The following KRT77 variants were observed in gnomAD, a reference collection of about 807,000 sequenced individuals.
The protein encoded by KRT77 is keratin 77.
A neutral mutation model predicts 51.5 loss-of-function variants in KRT77; 44 were observed. The ratio of observed to expected loss-of-function variants is 0.85; its 90% CI spans 0.67 to 1.10. KRT77 has a LOEUF of 1.10. KRT77 is among the 50% of genes least tolerant of loss of function. KRT77 has a pLI of 0.00. For synonymous variants in KRT77, 293 were observed against 302.0 expected (o/e 0.97, Z 0.31); for missense variants, 763 against 743.9 (o/e 1.03, Z -0.30).
intron 5 of KRT77, among the ~76,000 whole-genome samples, chr12:52,694,253 T>A (rs1941758784): frequency 6.6e-6 from 1 of 152,302 alleles, no homozygotes; most frequent in Non-Finnish European, 1.5e-5. Context: ...AATTCTTACC[T>A]CATTGGTTGT....
intron 1 of KRT77, among the ~76,000 whole-genome samples, chr12:52,698,963 C>T (rs969660752): frequency 2.0e-5 from 3 of 152,232 alleles, no homozygotes; most frequent in African/African-American, 7.2e-5. Context: ...TCCAAATCCC[C>T]CGGCCCTTGA....
At chr12:52,699,227 C>T (rs913857963) in intron 1 of KRT77, among the ~76,000 whole-genome samples, 3 of 152,182 alleles carry the variant, frequency 2.0e-5, no homozygotes, top group Non-Finnish European at 2.9e-5. Context: ...GACTCATTCA[C>T]TGCACTCAGT....
At chr12:52,696,346 C>G (rs1160446871) in intron 3 of KRT77, 24 bp downstream of exon 3, 1 of 1,612,758 alleles carries the variant, frequency 6.2e-7, no homozygotes, top group Admixed American at 1.7e-5. Flanking sequence ...CCACAGCCAC[C>G]CTCAGGACTC....
chr12:52,698,010 C>A, intron 1 of KRT77, 114 bp from the exon 2 acceptor site: 1 of 1,413,010 alleles, frequency 7.1e-7, no homozygotes, highest in East Asian at 2.3e-5. Flanking sequence ...CAGGATGGCT[C>A]CTCCAAGGGT....
chr12:52,699,798 G>T (rs1171009070), intron 1 of KRT77, among the ~76,000 whole-genome samples: 1 of 152,192 alleles, frequency 6.6e-6, no homozygotes, highest in Non-Finnish European at 1.5e-5. Flanking sequence ...GACAGTGTGT[G>T]AGCATCTCTC....
chr12:52,695,922 A>T, intron 3 of KRT77, 55 bp from the exon 4 acceptor site: 1 of 1,141,476 alleles, frequency 8.8e-7, no homozygotes. Flanking sequence ...GCCTGCCACC[A>T]GCTCACTGGC....
rs1319548818 is a variant in KRT77, at chr12:52,691,179, G to A, written c.1723C>T (p.Arg575Trp). The change falls in exon 9 of 9, where the codon CGG becomes TGG. Residue 575 changes from arginine (R) to tryptophan (W), a missense_variant. Coordinates refer to ENST00000341809, the MANE Select transcript of KRT77 (RefSeq NM_175078.3). The stretch of plus-strand genomic sequence containing the variant: ...AAACGAGGCCTCTACTCCAAGATCC[G>A]CCTGTGGGAGGTGTTGGTGGAGGTC... ...IQTSTNTSHR[R>W]ILE is the part of the protein sequence containing the mutation. 1.2e-6 allele frequency: 2 copies of A among 1,614,122 alleles called. No homozygotes were observed. Among genetic ancestry groups the A allele is most frequent in the Admixed American group, 3.3e-5 (2 of 60,026 alleles).
At chr12:52,693,726 TG>T (rs1473402617) in intron 5 of KRT77, 3 of 151,084 alleles carry the variant, frequency 2.0e-5, no homozygotes, top group Admixed American at 6.6e-5. Flanking sequence ...ACAAAGGAGT[TG>T]ATCTAATAAG....
intron 1 of KRT77, among the ~76,000 whole-genome samples, chr12:52,701,560 G>T (rs1162126518): frequency 6.6e-6 from 1 of 152,186 alleles, no homozygotes; most frequent in African/African-American, 2.4e-5. Context: ...GTGTGCAAGC[G>T]GCCTTGGTGC....
Position 52,702,921 on chromosome 12 carries a change from T to C in KRT77, c.514A>G (p.Asn172Asp). 6.2e-7 allele frequency: 1 copy of C among 1,613,858 alleles called. No homozygotes were observed. The highest frequency in any genetic ancestry group is 8.5e-7 in the Non-Finnish European group (1 of 1,179,862). Residue 172 changes from asparagine (N) to aspartate (D), a missense_variant, in exon 1 of 9, where the codon AAC becomes GAC. Transcript: ENST00000341809. ...TCAATGAAGGAGGCAAACTTGTTGT[T>C]GAGAACCATAATCTGCTCCCGCTCC... is the stretch of plus-strand genomic sequence containing the variant. ...TQEREQIMVL[N>D]NKFASFIDKV...
At chr12:52,699,507 C>T (rs1239686030) in intron 1 of KRT77, among the ~76,000 whole-genome samples, 1 of 152,252 alleles carries the variant, frequency 6.6e-6, no homozygotes, top group Non-Finnish European at 1.5e-5. Context: ...CCAAAACACT[C>T]CTGGTCTGTG....
At chr12:52,695,943 G>A (rs867526014) in intron 3 of KRT77, 76 bp from the exon 4 acceptor site, 8 of 907,750 alleles carry the variant, frequency 8.8e-6, no homozygotes, top group Admixed American at 1.7e-5. Flanking sequence ...TGGCTCAGGC[G>A]AGTGGCAGAG....
intron 1 of KRT77, chr12:52,698,318 G>A (rs557415299): frequency 3.5e-5 from 17 of 487,608 alleles, no homozygotes; most frequent in South Asian, 2.5e-4. Context: ...AAGAGAGAAG[G>A]ATCAATTTGG....
intron 8 of KRT77, 86 bp downstream of exon 8, chr12:52,691,852 A>G: frequency 6.5e-7 from 1 of 1,530,318 alleles, no homozygotes; most frequent in Non-Finnish European, 9.0e-7. Flanking sequence ...AAAATGCCAG[A>G]CTTTCCGTTC....
In KRT77 at chr12:52,703,444, A is replaced by T. The variant is rs1471348486; in HGVS notation, c.-10T>A. 6.4e-7 allele frequency: 1 copy of T among 1,564,082 alleles called. No homozygotes were observed. Among genetic ancestry groups the T allele is most frequent in the Non-Finnish European group, 8.7e-7 (1 of 1,151,326 alleles). ...TAAATTGGTGGCTCATGTTTGCTGG[A>T]GCATCCAGAGAAGCAGGCAAGAGAA... is the stretch of plus-strand genomic sequence containing the variant. On this transcript the variant is annotated 5_prime_UTR_variant, in exon 1 of 9. Coordinates refer to ENST00000341809, the MANE Select transcript of KRT77 (RefSeq NM_175078.3).
chr12:52,690,690 C>G lies in KRT77; in HGVS notation c.*475G>C. Reference sequence around the variant, plus strand: ...CTCTACAGGCTGTTTCTGTTTCCCTCCATTGCTAAACTAGATGCCTGGTAT... The same window carrying G: ...CTCTACAGGCTGTTTCTGTTTCCCTGCATTGCTAAACTAGATGCCTGGTAT... On this transcript the variant is annotated 3_prime_UTR_variant, in exon 9 of 9. Coordinates refer to ENST00000341809, the MANE Select transcript of KRT77 (RefSeq NM_175078.3). 1 of 208,830 alleles carries G rather than the reference C, an allele frequency of 4.8e-6. No individual in the cohort carries two copies. The highest frequency in any genetic ancestry group is 9.6e-6 in the Non-Finnish European group (1 of 103,872). The allele number at this position is 208,830 out of a possible 1,614,324, so 12.9% of individuals were successfully genotyped here.
At position 52,703,389 on chromosome 12, in the gene KRT77, T is replaced by A. The variant is rs1314639767; in HGVS notation, c.46A>T (p.Arg16Trp). 2.5e-6 allele frequency: 4 copies of A among 1,610,610 alleles called. No homozygotes were observed. The highest frequency in any genetic ancestry group is 1.7e-5 in the Admixed American group (1 of 59,694). ...SSQSAFSSMSRRVYSTSSSAG... is the reference protein window; with the variant it reads ...SSQSAFSSMSWRVYSTSSSAG... ...GAAGAGCTGGTACTATAAACCCGCC[T>A]GCTCATTGAACTAAACGCGGACTGA... Residue 16 changes from arginine (R) to tryptophan (W), a missense_variant, in exon 1 of 9, where the codon AGG (arginine) becomes TGG (tryptophan). Coordinates refer to ENST00000341809, the MANE Select transcript of KRT77 (RefSeq NM_175078.3).
In KRT77 at chr12:52,692,796, C is replaced by T. The variant is rs200529529; in HGVS notation, c.1165G>A (p.Val389Ile). ...CTGATCTCTGCCTGCAGCCTCTGGACGGTGCGGTTGAGCTCTGCAATCTCC... is the reference window on the plus strand; with the variant it reads ...CTGATCTCTGCCTGCAGCCTCTGGATGGTGCGGTTGAGCTCTGCAATCTCC... ...KMEIAELNRT[V>I]QRLQAEISNV... Residue 389 changes from valine to isoleucine, a missense_variant, in exon 6 of 9, where the codon GTC becomes ATC. Transcript: ENST00000341809. The T allele has an allele frequency of 2.7e-5, 44 of 1,604,432 alleles. 4 individuals carry two copies. Among genetic ancestry groups the T allele is most frequent in the African/African-American group, 9.4e-5 (7 of 74,844 alleles).
At chr12:52,700,873 A>ACTT (rs1290373969) in intron 1 of KRT77, among the ~76,000 whole-genome samples, 3 of 152,184 alleles carry the variant, frequency 2.0e-5, no homozygotes, top group African/African-American at 7.2e-5. Context: ...TGTGGTGTCA[A>ACTT]GTATAGGCTA....
Sources: allele counts gnomAD v4.1 joint callset (sites outside exome capture counted in the v4.1 genomes callset), GRCh38; gene constraint gnomAD v4.1.1; transcripts MANE v1.5; gene names NCBI Gene and HGNC (gene_info 2026-07-23, HGNC 2026-07-21).